The following ADAM12 variants were observed in gnomAD, a reference collection of about 807,000 sequenced individuals.
ADAM12 encodes the protein ADAM metallopeptidase domain 12.
A neutral mutation model predicts 106.4 loss-of-function variants in ADAM12; 70 were observed. That is an observed-to-expected ratio of 0.66 (90% CI 0.54 to 0.80). The LOEUF is 0.80. Among genes scored for constraint, ADAM12 ranks in the 30% least tolerant of loss-of-function variants. The pLI, the probability that ADAM12 is intolerant of heterozygous loss-of-function variation, is 0.00. For missense variants in ADAM12, 1,010 were observed against 1,171.9 expected, an observed-to-expected ratio of 0.86 and a Z score of 2.02; for synonymous variants, 420 against 433.5, an observed-to-expected ratio of 0.97 and a Z score of 0.39.
chr10:126,036,058 G>T, intron 21 of ADAM12, 88 bp downstream of exon 21: 2 of 1,208,224 alleles, frequency 1.7e-6, no homozygotes, highest in South Asian at 6.0e-5. Flanking sequence ...GCACCGAGAA[G>T]TTAAGCAACT....
chr10:126,136,723 A>C (rs554499246), intron 4 of ADAM12, among the ~76,000 whole-genome samples: 1 of 152,342 alleles, frequency 6.6e-6, no homozygotes, highest in Non-Finnish European at 1.5e-5. Flanking sequence ...GAAAGGGGCT[A>C]AGATGATCTC....
intron 14 of ADAM12, among the ~76,000 whole-genome samples, chr10:126,059,695 G>A (rs1674891): frequency 0.66 from 100,445 of 151,644 alleles, 33,970 homozygotes; most frequent in East Asian, 0.93. Flanking sequence ...ACCAAACATT[G>A]CATTCTGGTG....
At chr10:126,340,619 C>A (rs746488131) in intron 1 of ADAM12, among the ~76,000 whole-genome samples, 1 of 152,128 alleles carries the variant, frequency 6.6e-6, no homozygotes, top group African/African-American at 2.4e-5. Flanking sequence ...AGTTCTGGAA[C>A]CTCATGTCCT....
intron 5 of ADAM12, among the ~76,000 whole-genome samples, chr10:126,123,175 G>T (rs944702593): frequency 6.6e-6 from 1 of 152,204 alleles, no homozygotes; most frequent in Non-Finnish European, 1.5e-5. Flanking sequence ...CTAAAGAATT[G>T]CTGGAAACAA....
At chr10:126,255,119 T>A (rs1958865685) in intron 3 of ADAM12, among the ~76,000 whole-genome samples, 1 of 152,186 alleles carries the variant, frequency 6.6e-6, no homozygotes, top group African/African-American at 2.4e-5. Context: ...TGACTTGTCC[T>A]GCAATGCCAC....
chr10:126,358,702 T>C (rs868537357), intron 1 of ADAM12, among the ~76,000 whole-genome samples: 2 of 152,180 alleles, frequency 1.3e-5, no homozygotes, highest in South Asian at 2.1e-4. Context: ...GAAGTAAAAT[T>C]GTTGCTGTTT....
At chr10:126,131,240 T>C (rs1956300251) in intron 5 of ADAM12, among the ~76,000 whole-genome samples, 1 of 150,514 alleles carries the variant, frequency 6.6e-6, no homozygotes, top group Admixed American at 6.7e-5. Flanking sequence ...TATAGGGCCA[T>C]AACCTGTTTG....
At chr10:126,144,605 G>C (rs1044297920) in intron 4 of ADAM12, among the ~76,000 whole-genome samples, 3 of 152,144 alleles carry the variant, frequency 2.0e-5, no homozygotes, top group African/African-American at 7.2e-5. Context: ...GATATTGTGT[G>C]AAAATGCACA....
At chr10:126,139,544 T>A (rs1476171524) in intron 4 of ADAM12, among the ~76,000 whole-genome samples, 1 of 152,168 alleles carries the variant, frequency 6.6e-6, no homozygotes, top group Admixed American at 6.5e-5. Context: ...CCTTTTTGGA[T>A]CCTTCATACA....
chr10:126,226,122 T>A (rs921773258), intron 3 of ADAM12, among the ~76,000 whole-genome samples: 9 of 138,906 alleles, frequency 6.5e-5, no homozygotes, highest in Non-Finnish European at 1.2e-4. Flanking sequence ...ATGGTACAGA[T>A]GGGTTAAAGG....
At chr10:126,301,394 C>T (rs960523499) in intron 2 of ADAM12, among the ~76,000 whole-genome samples, 2 of 152,188 alleles carry the variant, frequency 1.3e-5, no homozygotes, top group African/African-American at 2.4e-5. Flanking sequence ...AATGTAATTA[C>T]ATTCAATCTA....
At chr10:126,195,112 T>G (rs1957572868) in intron 3 of ADAM12, among the ~76,000 whole-genome samples, 2 of 150,810 alleles carry the variant, frequency 1.3e-5, no homozygotes, top group African/African-American at 4.9e-5. Flanking sequence ...GGCTTGGGGG[T>G]GGAGAGATGT....
chr10:126,039,500 CG>C, intron 18 of ADAM12, 71 bp from the exon 19 acceptor site: 1 of 1,584,162 alleles, frequency 6.3e-7, no homozygotes, highest in Non-Finnish European at 8.6e-7. Flanking sequence ...CAAGTTGTGA[CG>C]TTTATGGCAA....
At chr10:126,268,918 G>A (rs1390151543) in intron 3 of ADAM12, among the ~76,000 whole-genome samples, 1 of 152,018 alleles carries the variant, frequency 6.6e-6, no homozygotes, top group African/African-American at 2.4e-5. Flanking sequence ...AAGAATTCAG[G>A]GTAAGTCCAC....
chr10:126,128,080 C>G (rs190800112), intron 5 of ADAM12, among the ~76,000 whole-genome samples: 92 of 152,192 alleles, frequency 6.0e-4, no homozygotes, highest in Middle Eastern at 6.8e-3. Flanking sequence ...GGTTTAAGAT[C>G]TAGTTTTGCC....
At chr10:126,364,012 T>A (rs1455562086) in intron 1 of ADAM12, among the ~76,000 whole-genome samples, 1 of 152,146 alleles carries the variant, frequency 6.6e-6, no homozygotes, top group Non-Finnish European at 1.5e-5. Flanking sequence ...GGGAAATCCA[T>A]GAATGAATAT....
At chr10:126,092,089 G>A (rs1160249231) in intron 11 of ADAM12, among the ~76,000 whole-genome samples, 1 of 152,188 alleles carries the variant, frequency 6.6e-6, no homozygotes, top group African/African-American at 2.4e-5. Flanking sequence ...TTCAAGTCCA[G>A]TGTTCTTGAT....
intron 1 of ADAM12, among the ~76,000 whole-genome samples, chr10:126,381,011 T>A (rs1856471192): frequency 6.6e-6 from 1 of 152,238 alleles, no homozygotes; most frequent in African/African-American, 2.4e-5. Flanking sequence ...GGAAGGAATG[T>A]GCTTAGCTTC....
At chr10:126,290,726 C>A (rs1018925426) in intron 2 of ADAM12, among the ~76,000 whole-genome samples, 1 of 152,082 alleles carries the variant, frequency 6.6e-6, no homozygotes, top group African/African-American at 2.4e-5. Context: ...GAATATTATA[C>A]ATTTATTAAC....
Sources: gnomAD v4.1 joint callset for allele counts (sites outside exome capture counted in the v4.1 genomes callset) on GRCh38, gnomAD v4.1.1 for gene constraint, MANE v1.5 for transcripts, NCBI Gene and HGNC (gene_info 2026-07-23, HGNC 2026-07-21) for gene names.